Variants in NKAIN2 observed in about 807,000 individuals in gnomAD.
NKAIN2 encodes the protein sodium/potassium transporting ATPase interacting 2, also known as sodium/potassium-transporting ATPase subunit beta-1-interacting protein 2.
A neutral mutation model predicts 32.6 loss-of-function variants in NKAIN2; 14 were observed. The ratio of observed to expected loss-of-function variants is 0.43; its 90% CI spans 0.28 to 0.67. The LOEUF is 0.67. Among genes scored for constraint, NKAIN2 ranks in the 30% least tolerant of loss-of-function variants. NKAIN2 has a pLI of 0.17. For missense variants in NKAIN2, 198 were observed against 258.3 expected (o/e 0.77, Z 1.60); for synonymous variants, 80 against 87.2 (o/e 0.92, Z 0.46).
At chr6:124,755,637 A>G (rs1179536196) in intron 4 of NKAIN2, among the ~76,000 whole-genome samples, 1 of 152,174 alleles carries the variant, frequency 6.6e-6, no homozygotes, top group Admixed American at 6.5e-5. Flanking sequence ...GCATTTGCTC[A>G]CTTATAAGTG....
intron 4 of NKAIN2, among the ~76,000 whole-genome samples, chr6:124,742,423 G>A (rs1777258718): frequency 6.6e-6 from 1 of 151,542 alleles, no homozygotes; most frequent in African/African-American, 2.4e-5. Flanking sequence ...TTAGGGCTTT[G>A]GACTCTGGGC....
chr6:124,034,690 A>G (rs1308052628), intron 1 of NKAIN2, among the ~76,000 whole-genome samples: 1 of 152,068 alleles, frequency 6.6e-6, no homozygotes, highest in African/African-American at 2.4e-5. Flanking sequence ...TTTGAGAAGT[A>G]TCCATAGTGG....
chr6:124,458,851 C>A (rs1776421332), intron 3 of NKAIN2, among the ~76,000 whole-genome samples: 1 of 151,814 alleles, frequency 6.6e-6, no homozygotes, highest in Admixed American at 6.6e-5. Flanking sequence ...GTTTTGAATT[C>A]TCACTATAGT....
intron 3 of NKAIN2, among the ~76,000 whole-genome samples, chr6:124,488,628 A>G (rs1777745125): frequency 6.6e-6 from 1 of 152,036 alleles, no homozygotes; most frequent in African/African-American, 2.4e-5. Flanking sequence ...TCAAATAAGC[A>G]TATCTATATG....
chr6:124,743,514 G>A (rs1044627089), intron 4 of NKAIN2, among the ~76,000 whole-genome samples: 7 of 151,740 alleles, frequency 4.6e-5, no homozygotes, highest in Non-Finnish European at 1.0e-4. Context: ...AATGAATTTA[G>A]TGAATCTCCC....
chr6:124,539,302 G>A (rs1358255842), intron 3 of NKAIN2, among the ~76,000 whole-genome samples: 2 of 151,950 alleles, frequency 1.3e-5, no homozygotes, highest in African/African-American at 4.8e-5. Flanking sequence ...ACACTCCTTT[G>A]GAAACCACCA....
Position 124,343,195 on chromosome 6 carries a change from G to A in NKAIN2, c.193-12072G>A, listed in dbSNP as rs1285727005. 8.5e-5 allele frequency among the ~76,000 whole-genome samples: 13 copies of A among 152,224 alleles called. No individual in the cohort carries two copies. The Middle Eastern group carries it at 0.01, about 119-fold the overall frequency. On this transcript the variant is annotated intron_variant, in intron 2 of 6. Coordinates refer to ENST00000368417, the MANE Select transcript of NKAIN2 (RefSeq NM_001040214.3). ...TTTATGGCTGCATAGTATTCATGGT[G>A]TATATGTGCCACATTTTCTTAATCC...
chr6:124,655,090 C>T (rs895185017), intron 3 of NKAIN2, among the ~76,000 whole-genome samples: 26 of 152,042 alleles, frequency 1.7e-4, no homozygotes, highest in African/African-American at 3.6e-4. Flanking sequence ...AATCAATTAA[C>T]GATACCATCC....
At chr6:124,673,003 A>G (rs552999859) in intron 4 of NKAIN2, among the ~76,000 whole-genome samples, 1 of 152,194 alleles carries the variant, frequency 6.6e-6, no homozygotes, top group South Asian at 2.1e-4. Flanking sequence ...TACATCTTGC[A>G]TGGCTGAAAA....
intron 4 of NKAIN2, among the ~76,000 whole-genome samples, chr6:124,685,744 A>G (rs1011673790): frequency 3.3e-5 from 5 of 152,178 alleles, no homozygotes; most frequent in Non-Finnish European, 5.9e-5. Flanking sequence ...GAATGATAAA[A>G]ATATCTTGAC....
At chr6:124,798,025 C>T (rs146891616) in intron 5 of NKAIN2, among the ~76,000 whole-genome samples, 2 of 152,026 alleles carry the variant, frequency 1.3e-5, no homozygotes, top group East Asian at 3.9e-4. Context: ...TCCTTCCTTC[C>T]TCCCCTCTTC....
chr6:124,147,799 C>T (rs767756104), intron 1 of NKAIN2, among the ~76,000 whole-genome samples: 4 of 152,104 alleles, frequency 2.6e-5, no homozygotes, highest in Admixed American at 2.6e-4. Context: ...TTGGCCATTG[C>T]TTGCACTAGT....
At chr6:124,703,540 T>A (rs1774903941) in intron 4 of NKAIN2, among the ~76,000 whole-genome samples, 2 of 151,974 alleles carry the variant, frequency 1.3e-5, no homozygotes, top group Non-Finnish European at 2.9e-5. Context: ...TTTTAGTCTG[T>A]GGTACTGTAG....
At chr6:124,485,010 T>G (rs1777597631) in intron 3 of NKAIN2, among the ~76,000 whole-genome samples, 1 of 152,120 alleles carries the variant, frequency 6.6e-6, no homozygotes, top group Non-Finnish European at 1.5e-5. Flanking sequence ...TATCTGTTTC[T>G]CCTAGCTGAT....
chr6:124,404,640 G>A (rs139806714), intron 3 of NKAIN2, among the ~76,000 whole-genome samples: 3,086 of 151,826 alleles, frequency 0.02, 118 homozygotes, highest in African/African-American at 0.07. Context: ...TAATGTAAAC[G>A]ACTAAAGAGT....
intron 1 of NKAIN2, among the ~76,000 whole-genome samples, chr6:124,031,433 A>G (rs1393361845): frequency 6.6e-6 from 1 of 151,892 alleles, no homozygotes. Context: ...GATCTTAGTC[A>G]TTTCTTGCCT....
At chr6:124,569,577 G>A (rs534364218) in intron 3 of NKAIN2, among the ~76,000 whole-genome samples, 10 of 152,162 alleles carry the variant, frequency 6.6e-5, no homozygotes, top group East Asian at 3.9e-4. Context: ...AATAAGGCTC[G>A]TGAGATCTGA....
chr6:123,920,765 A>G (rs1323018147), intron 1 of NKAIN2, among the ~76,000 whole-genome samples: 1 of 152,216 alleles, frequency 6.6e-6, no homozygotes, highest in Non-Finnish European at 1.5e-5. Flanking sequence ...CTCTGCATCT[A>G]TCAAGATGAT....
intron 3 of NKAIN2, among the ~76,000 whole-genome samples, chr6:124,358,561 C>T (rs552369849): frequency 6.6e-6 from 1 of 152,116 alleles, no homozygotes. Context: ...TCTTTTGGCT[C>T]CATAAATGTC....
Sources: allele counts gnomAD v4.1 joint callset (sites outside exome capture counted in the v4.1 genomes callset), GRCh38; gene constraint gnomAD v4.1.1; transcripts MANE v1.5; gene names NCBI Gene and HGNC (gene_info 2026-07-23, HGNC 2026-07-21).